The following NRXN3 variants were observed in gnomAD, a reference collection of about 807,000 sequenced individuals.
NRXN3 encodes neurexin III.
A neutral mutation model predicts 137.6 loss-of-function variants in NRXN3; 32 were observed. That is an observed-to-expected ratio of 0.23 (90% confidence interval 0.18 to 0.31). NRXN3 has a LOEUF of 0.31. Ranked by LOEUF, NRXN3 falls within the 10% of genes least tolerant of loss-of-function variation. The pLI, the probability that NRXN3 is intolerant of heterozygous loss-of-function variation, is 1.00. For synonymous variants in NRXN3, 798 were observed against 784.5 expected (o/e 1.02, Z -0.29); for missense variants, 1,574 against 2,062.5 (o/e 0.76, Z 4.59).
At chr14:78,218,207 G>A (rs2063486931) in intron 1 of NRXN3, among the ~76,000 whole-genome samples, 1 of 151,848 alleles carries the variant, frequency 6.6e-6, no homozygotes, top group Admixed American at 6.6e-5. Flanking sequence ...AAAAAAAAAA[G>A]TTACCTAGGC....
At chr14:79,811,581 C>CTTTTTTTTTTTTTTTTTTTTTTTT (rs370942970) in intron 20 of NRXN3, among the ~76,000 whole-genome samples, 16 of 116,604 alleles carry the variant, frequency 1.4e-4, no homozygotes, top group East Asian at 4.9e-4. Flanking sequence ...TTTCTTTTTT[C>CTTTTTTTTTTTTTTTTTTTTTTTT]TTTTTTTTTT....
intron 4 of NRXN3, among the ~76,000 whole-genome samples, chr14:78,426,950 C>G (rs2093688028): frequency 6.6e-6 from 1 of 152,124 alleles, no homozygotes; most frequent in African/African-American, 2.4e-5. Context: ...ATGTTCAGCC[C>G]TCAAGTTTGA....
At chr14:78,203,600 C>T (rs561193239) in intron 1 of NRXN3, among the ~76,000 whole-genome samples, 3 of 152,312 alleles carry the variant, frequency 2.0e-5, no homozygotes, top group African/African-American at 4.8e-5. Context: ...GTTCGGAAAC[C>T]TCAGTTAGTG....
At chr14:79,746,254 A>G (rs1238281847) in intron 19 of NRXN3, among the ~76,000 whole-genome samples, 3 of 152,146 alleles carry the variant, frequency 2.0e-5, no homozygotes, top group Non-Finnish European at 4.4e-5. Context: ...GATGTACTGA[A>G]TCAGTCTCTC....
At chr14:78,555,586 A>G (rs557994189) in intron 4 of NRXN3, among the ~76,000 whole-genome samples, 16 of 152,372 alleles carry the variant, frequency 1.1e-4, no homozygotes, top group Admixed American at 2.6e-4. Context: ...TGACTTGAAC[A>G]GTCACCAGGC....
At chr14:78,656,226 G>C (rs139371619) in intron 6 of NRXN3, among the ~76,000 whole-genome samples, 1 of 152,262 alleles carries the variant, frequency 6.6e-6, no homozygotes, top group East Asian at 1.9e-4. Flanking sequence ...GCAGACACAC[G>C]CATAAATGCA....
intron 16 of NRXN3, among the ~76,000 whole-genome samples, chr14:79,476,912 A>T (rs952380671): frequency 8.5e-5 from 13 of 152,142 alleles, no homozygotes; most frequent in African/African-American, 3.1e-4. Flanking sequence ...CCCTAATGAA[A>T]GTTTTAGAGT....
intron 15 of NRXN3, among the ~76,000 whole-genome samples, chr14:79,229,108 A>G (rs2071636782): frequency 6.6e-6 from 1 of 152,150 alleles, no homozygotes; most frequent in African/African-American, 2.4e-5. Flanking sequence ...AATTTCCATC[A>G]TAGTCTTTTT....
chr14:79,320,703 G>C (rs2089843561), intron 15 of NRXN3, among the ~76,000 whole-genome samples: 1 of 152,114 alleles, frequency 6.6e-6, no homozygotes, highest in South Asian at 2.1e-4. Flanking sequence ...AAGATTAAAG[G>C]AGCTTTGACT....
chr14:79,259,948 C>T (rs1456338471), intron 15 of NRXN3, among the ~76,000 whole-genome samples: 3 of 151,968 alleles, frequency 2.0e-5, no homozygotes, highest in East Asian at 1.9e-4. Flanking sequence ...TTCCTTTTAC[C>T]GTCCATTGTG....
intron 8 of NRXN3, among the ~76,000 whole-genome samples, chr14:78,749,324 C>G (rs2098629895): frequency 6.6e-6 from 1 of 152,152 alleles, no homozygotes; most frequent in Admixed American, 6.6e-5. Flanking sequence ...TTTGCCAAAA[C>G]AATGCCCATA....
chr14:79,652,171 A>G (rs1251516046), intron 16 of NRXN3, among the ~76,000 whole-genome samples: 1 of 152,220 alleles, frequency 6.6e-6, no homozygotes, highest in Non-Finnish European at 1.5e-5. Flanking sequence ...TTATTCAAAC[A>G]CAAACACACA....
intron 15 of NRXN3, among the ~76,000 whole-genome samples, chr14:79,077,702 T>C (rs144571669): frequency 9.7e-4 from 148 of 152,300 alleles, no homozygotes; most frequent in Middle Eastern, 6.8e-3. Context: ...CAGCCCCTTA[T>C]AATTGGTGAT....
intron 15 of NRXN3, among the ~76,000 whole-genome samples, chr14:79,235,948 T>C (rs932173328): frequency 6.6e-6 from 1 of 152,144 alleles, no homozygotes; most frequent in African/African-American, 2.4e-5. Flanking sequence ...CTGTAGAGAA[T>C]TAACATATCT....
intron 4 of NRXN3, among the ~76,000 whole-genome samples, chr14:78,401,607 C>T (rs1226461549): frequency 2.0e-5 from 3 of 152,156 alleles, no homozygotes; most frequent in African/African-American, 7.2e-5. Context: ...TTAATACCAC[C>T]ACAATGAGTA....
rs1443195163 is a variant in NRXN3 at position 78,617,744 on chromosome 14, ACT to A, written c.758-27375_758-27374del. Among the ~76,000 whole-genome samples, 34 of 152,138 alleles carry A rather than the reference ACT, an allele frequency of 2.2e-4. No individual in the cohort carries two copies. In the East Asian group the frequency reaches 6.0e-3, roughly 27 times the overall value. On this transcript the variant is annotated intron_variant, in intron 4 of 20. Coordinates refer to ENST00000335750, the MANE Select transcript of NRXN3 (RefSeq NM_001330195.2). ...ATGTGAGGTGTTAGACTAGAAGATC[ACT>A]GTTTCCTTAATTTTAAGCATCTGTG...
intron 6 of NRXN3, among the ~76,000 whole-genome samples, chr14:78,702,322 A>C (rs1164688173): frequency 2.0e-5 from 3 of 150,774 alleles, no homozygotes; most frequent in Non-Finnish European, 4.4e-5. Flanking sequence ...ATAACTTATA[A>C]ATAAATATAT....
chr14:78,829,542 T>C (rs573838492), intron 10 of NRXN3, among the ~76,000 whole-genome samples: 71 of 152,172 alleles, frequency 4.7e-4, no homozygotes, highest in Non-Finnish European at 6.9e-4. Flanking sequence ...AGTTTCACTA[T>C]GGATGTCTAG....
At chr14:79,541,621 G>T (rs1185440572) in intron 16 of NRXN3, among the ~76,000 whole-genome samples, 1 of 152,164 alleles carries the variant, frequency 6.6e-6, no homozygotes, top group East Asian at 1.9e-4. Context: ...GCAGGGCAAG[G>T]TCTCCCAGAC....
Sources: gnomAD v4.1 joint callset for allele counts (sites outside exome capture counted in the v4.1 genomes callset) on GRCh38, gnomAD v4.1.1 for gene constraint, MANE v1.5 for transcripts, NCBI Gene and HGNC (gene_info 2026-07-23, HGNC 2026-07-21) for gene names.